The following PPP2R2D variants were observed in gnomAD, a reference collection of about 807,000 sequenced individuals.
PPP2R2D encodes the protein protein phosphatase 2 regulatory subunit Bdelta.
Under a neutral mutation model 31.1 loss-of-function variants are expected in PPP2R2D, and 9 were observed. That is an observed-to-expected ratio of 0.29 (90% CI 0.17 to 0.51). The LOEUF (loss-of-function observed/expected upper bound fraction) is 0.51. PPP2R2D is among the 20% of genes least tolerant of loss of function. The pLI is 0.98. For synonymous variants in PPP2R2D, 179 were observed against 172.6 expected (o/e 1.04, Z -0.29); for missense variants, 391 against 465.6 (o/e 0.84, Z 1.48).
chr10:131,907,791 A>C (rs1363495615), intron 2 of PPP2R2D, among the ~76,000 whole-genome samples: 5 of 152,068 alleles, frequency 3.3e-5, no homozygotes, highest in African/African-American at 1.2e-4. Flanking sequence ...TAGTACAGCC[A>C]CATCTTAACG....
downstream of PPP2R2D, among the ~76,000 whole-genome samples, chr10:131,961,753 C>A (rs528779425): frequency 6.6e-6 from 1 of 152,158 alleles, no homozygotes; most frequent in African/African-American, 2.4e-5. Flanking sequence ...AAGGGCACAG[C>A]GGCTGCGACT....
At chr10:131,940,303 T>TG (rs1324041494) in intron 4 of PPP2R2D, 107 bp downstream of exon 4, 4 of 571,704 alleles carry the variant, frequency 7.0e-6, no homozygotes, top group African/African-American at 1.9e-5. Flanking sequence ...CTTTAAATTT[T>TG]GGGGGGAGGG....
the PPP2R2D span, chr10:131,968,711 G>C: frequency 1.6e-6 from 1 of 614,832 alleles, no homozygotes; most frequent in African/African-American, 1.8e-5. Flanking sequence ...ATTTTGTAAT[G>C]AATCTATCTG....
Position 131,940,183 on chromosome 10 carries a change from A to C in PPP2R2D, c.351A>C (p.Leu117=), listed in dbSNP as rs189592170. 1 of 758,616 alleles carries C rather than the reference A, an allele frequency of 1.3e-6. No homozygotes were observed. Among genetic ancestry groups the C allele is most frequent in the East Asian group, 2.4e-5 (1 of 41,092 alleles). 47.0% of individuals were successfully genotyped at this position (758,616 alleles called of 1,614,324 possible). The part of the protein sequence containing the change: ...WLPQQNAAHF[L]LSTNDKTIKL... ...CACAACAGAATGCTGCTCATTTTCT[A>C]CTGTCTACAAATGGTAAGAATTGTG... Residue 117 remains leucine (L), a synonymous_variant, in exon 4 of 9, where the codon CTA becomes CTC. Coordinates refer to ENST00000455566, the MANE Select transcript of PPP2R2D (RefSeq NM_018461.5).
intron 8 of PPP2R2D, among the ~76,000 whole-genome samples, chr10:131,953,593 C>T (rs967245633): frequency 5.5e-5 from 7 of 128,274 alleles, no homozygotes; most frequent in Non-Finnish European, 1.1e-4. Flanking sequence ...CAGTGACTTG[C>T]GGGTATGCGG....
At chr10:131,938,747 A>G (rs1564820316) in intron 3 of PPP2R2D, among the ~76,000 whole-genome samples, 1 of 151,838 alleles carries the variant, frequency 6.6e-6, no homozygotes, top group Non-Finnish European at 1.5e-5. Context: ...CATTTATCTC[A>G]GCGGCTTCGT....
chr10:131,951,409 T>C (rs926760572), intron 8 of PPP2R2D, among the ~76,000 whole-genome samples: 1 of 152,232 alleles, frequency 6.6e-6, no homozygotes, highest in Non-Finnish European at 1.5e-5. Flanking sequence ...TTATTAGAAC[T>C]ACATGGATCA....
intron 2 of PPP2R2D, among the ~76,000 whole-genome samples, chr10:131,924,369 A>C (rs1269181072): frequency 6.6e-6 from 1 of 152,098 alleles, no homozygotes; most frequent in Non-Finnish European, 1.5e-5. Context: ...TGTGGTGTTA[A>C]GGGTTCAGCT....
At chr10:131,971,257 A>G in the PPP2R2D span, 1 of 433,052 alleles carries the variant, frequency 2.3e-6, no homozygotes, top group Admixed American at 3.7e-5. Context: ...TTCTGGGGGT[A>G]CTGACAGCGG....
chr10:131,962,535 A>G (rs782081037), downstream of PPP2R2D, among the ~76,000 whole-genome samples: 6 of 151,992 alleles, frequency 3.9e-5, no homozygotes, highest in African/African-American at 7.3e-5. Flanking sequence ...GTAGCTCTCC[A>G]TTTTCTTCTT....
rs1249533915 is a variant in PPP2R2D, at chr10:131,959,646, T to C, written c.*3683T>C. 2 of 152,656 alleles carry C rather than the reference T, an allele frequency of 1.3e-5. No individual in the cohort carries two copies. The highest frequency in any genetic ancestry group is 2.9e-5 in the Non-Finnish European group (2 of 68,394). 9.5% of individuals were successfully genotyped at this position (152,656 alleles called of 1,614,324 possible). A position where few individuals can be genotyped will look rare whatever the true frequency, so the allele number is the denominator to read the frequency against. Reference sequence around the variant, plus strand: ...AATTGAGAATCTAAAGGTACCTTTATTTTAACTAAAAAATAATTTATATAC... The same window carrying C: ...AATTGAGAATCTAAAGGTACCTTTACTTTAACTAAAAAATAATTTATATAC... On this transcript the variant is annotated 3_prime_UTR_variant, in exon 9 of 9. Transcript: ENST00000455566.
intron 8 of PPP2R2D, among the ~76,000 whole-genome samples, chr10:131,948,748 C>T (rs1193547292): frequency 2.0e-5 from 3 of 152,202 alleles, no homozygotes; most frequent in Admixed American, 6.5e-5. Context: ...TTGTCCCACA[C>T]GAGGTGACTT....
the PPP2R2D span, chr10:131,966,351 G>T: frequency 3.9e-5 from 6 of 152,282 alleles, no homozygotes; most frequent in South Asian, 8.3e-4. Context: ...GCAGTTATTT[G>T]TATTAACCAC....
rs1474802442 is a variant in PPP2R2D at position 131,956,186 on chromosome 10, G to T, written c.*223G>T. 14 of 1,222,310 alleles carry T rather than the reference G, an allele frequency of 1.1e-5. No individual in the cohort carries two copies. In the Admixed American group the frequency reaches 5.1e-4, roughly 45 times the overall value. 75.7% of individuals were successfully genotyped at this position (1,222,310 alleles called of 1,614,324 possible). A position where few individuals can be genotyped will look rare whatever the true frequency, so the allele number is the denominator to read the frequency against. Reference sequence around the variant, plus strand: ...CTCACGTGGAGACGCTCTCGAAGCAGAGTTGACGGACACTGCTCCCAAAAG... The same window carrying T: ...CTCACGTGGAGACGCTCTCGAAGCATAGTTGACGGACACTGCTCCCAAAAG... On this transcript the variant is annotated 3_prime_UTR_variant, in exon 9 of 9. Coordinates refer to ENST00000455566, the MANE Select transcript of PPP2R2D (RefSeq NM_018461.5).
At chr10:131,934,822 T>C in intron 3 of PPP2R2D, 2 of 522,206 alleles carry the variant, frequency 3.8e-6, no homozygotes, top group South Asian at 3.1e-5. Context: ...GGTGGTGAGG[T>C]GCATTTATGT....
At chr10:131,911,157 G>C (rs1321773411) in intron 2 of PPP2R2D, among the ~76,000 whole-genome samples, 1 of 152,168 alleles carries the variant, frequency 6.6e-6, no homozygotes, top group Non-Finnish European at 1.5e-5. Flanking sequence ...CTCTCGAAGT[G>C]GGGGGCAGTC....
Position 131,944,052 on chromosome 10 carries a change from T to A in PPP2R2D, c.562T>A (p.Ser188Thr). Residue 188 changes from serine to threonine, a missense_variant, in exon 6 of 9, where the codon TCC (serine) becomes ACC (threonine). By Grantham distance (58) the Ser-to-Thr change is moderately conservative (BLOSUM62 1). Transcript: ENST00000455566. Reference sequence around the variant, plus strand: ...AAATGCTCACACATATCATATAAATTCCATTTCAGTAAATAGTGATCATGA... The same window carrying A: ...AAATGCTCACACATATCATATAAATACCATTTCAGTAAATAGTGATCATGA... ...FANAHTYHIN[S>T]ISVNSDHETY... 3 of 1,596,854 alleles carry A rather than the reference T, an allele frequency of 1.9e-6. No individual in the cohort carries two copies. Among genetic ancestry groups the A allele is most frequent in the Non-Finnish European group, 2.6e-6 (3 of 1,164,402 alleles).
At chr10:131,937,293 G>T (rs1589949373) in intron 3 of PPP2R2D, among the ~76,000 whole-genome samples, 1 of 152,170 alleles carries the variant, frequency 6.6e-6, no homozygotes, top group African/African-American at 2.4e-5. Context: ...TTACAGGAAA[G>T]CCCAGCCAAT....
chr10:131,944,140 G>C lies in PPP2R2D; in HGVS notation c.650G>C (p.Ser217Thr), dbSNP rs782125421. Residue 217 changes from serine to threonine, a missense_variant, in exon 6 of 9, where the codon AGC becomes ACC. Transcript: ENST00000455566. ...TGGCACTTAGAAATCACAGATAGAA[G>C]CTTTAGTATCCTTCCTCAGAGGGAC... ...NLWHLEITDR[S>T]FNIVDIKPAN... 1.9e-6 allele frequency: 3 copies of C among 1,609,266 alleles called. No homozygotes were observed. Among genetic ancestry groups the C allele is most frequent in the Admixed American group, 3.4e-5 (2 of 59,124 alleles).
Sources: gnomAD v4.1 joint callset for allele counts (sites outside exome capture counted in the v4.1 genomes callset) on GRCh38, gnomAD v4.1.1 for gene constraint, MANE v1.5 for transcripts, NCBI Gene and HGNC (gene_info 2026-07-23, HGNC 2026-07-21) for gene names.